The following PTPRT variants were observed in gnomAD, a reference collection of about 807,000 sequenced individuals.
PTPRT encodes protein tyrosine phosphatase receptor type T, also known as receptor-type tyrosine-protein phosphatase T.
A neutral mutation model predicts 176.8 loss-of-function variants in PTPRT; 56 were observed. That is an observed-to-expected ratio of 0.32 (90% CI 0.26 to 0.40). The LOEUF (loss-of-function observed/expected upper bound fraction) is 0.40. Among genes scored for constraint, PTPRT ranks in the 10% least tolerant of loss-of-function variants. PTPRT has a pLI of 1.00. For missense variants in PTPRT, 1,540 were observed against 1,908.2 expected (o/e 0.81, Z 3.60); for synonymous variants, 783 against 739.0 (o/e 1.06, Z -0.96).
At chr20:42,881,457 G>A (rs2079008437) in intron 2 of PTPRT, among the ~76,000 whole-genome samples, 1 of 152,194 alleles carries the variant, frequency 6.6e-6, no homozygotes, top group South Asian at 2.1e-4. Flanking sequence ...AGATGCAGTG[G>A]CTCATGCCTG....
Position 42,666,248 on chromosome 20 carries a change from G to A in PTPRT, c.1153+11618C>T, listed in dbSNP as rs534600580. On this transcript the variant is annotated intron_variant, in intron 7 of 30. Transcript: ENST00000373187. ...TAAAGTGCTACCCAGAGCCTGACAC[G>A]TGGTTGGCACTCTATATGTATGAGT... Among the ~76,000 whole-genome samples, 21 of 152,148 alleles carry A rather than the reference G, an allele frequency of 1.4e-4. No homozygotes were observed. In the South Asian group the frequency reaches 2.3e-3, roughly 17 times the overall value.
At chr20:42,333,220 A>G (rs1438030657) in intron 11 of PTPRT, among the ~76,000 whole-genome samples, 2 of 152,238 alleles carry the variant, frequency 1.3e-5, no homozygotes, top group Non-Finnish European at 1.5e-5. Flanking sequence ...TGATAATCCA[A>G]TTATCTTCTA....
At chr20:42,559,293 CG>C (rs1206541533) in intron 7 of PTPRT, among the ~76,000 whole-genome samples, 1 of 152,048 alleles carries the variant, frequency 6.6e-6, no homozygotes, top group Non-Finnish European at 1.5e-5. Context: ...TTGTCTTCAT[CG>C]TCTTTCTTTT....
chr20:42,865,748 C>T (rs185725237), intron 2 of PTPRT, among the ~76,000 whole-genome samples: 31 of 152,280 alleles, frequency 2.0e-4, no homozygotes, highest in African/African-American at 7.5e-4. Flanking sequence ...ATGCAAGCAA[C>T]AGCTCCAACA....
chr20:42,819,189 T>G (rs2077845097), intron 2 of PTPRT, among the ~76,000 whole-genome samples: 1 of 152,084 alleles, frequency 6.6e-6, no homozygotes. Flanking sequence ...CCCATCAGAC[T>G]AACAGTGGAC....
intron 9 of PTPRT, among the ~76,000 whole-genome samples, chr20:42,411,942 T>C (rs933546304): frequency 6.6e-6 from 1 of 152,166 alleles, no homozygotes; most frequent in Non-Finnish European, 1.5e-5. Context: ...GACCCATACC[T>C]TGCACTATAT....
chr20:42,233,079 A>G (rs1487770402), intron 15 of PTPRT, among the ~76,000 whole-genome samples: 1 of 151,578 alleles, frequency 6.6e-6, no homozygotes, highest in East Asian at 2.0e-4. Context: ...TCCTCTTCTG[A>G]TTCTTTAATC....
intron 24 of PTPRT, among the ~76,000 whole-genome samples, chr20:42,105,203 C>T (rs948443141): frequency 6.6e-6 from 1 of 152,174 alleles, no homozygotes; most frequent in Non-Finnish European, 1.5e-5. Context: ...TCTCAGAGTT[C>T]GCCAGCAGAA....
In PTPRT at chr20:42,639,049, GTTTC is replaced by G. The variant is rs556178639; in HGVS notation, c.1153+38813_1153+38816del. ...TAAATTTTAAAGAACCTTCCCATTT[GTTTC>G]TTTAAGTTATTAATGTCTCCAATAG... On this transcript the variant is annotated intron_variant, in intron 7 of 30. Transcript: ENST00000373187. 2.0e-3 allele frequency among the ~76,000 whole-genome samples: 302 copies of G among 152,148 alleles called. 5 individuals carry two copies. The highest frequency in any genetic ancestry group is 0.013 in the East Asian group (66 of 5,168).
chr20:43,038,617 A>C (rs1265422961), intron 1 of PTPRT, among the ~76,000 whole-genome samples: 1 of 152,202 alleles, frequency 6.6e-6, no homozygotes, highest in Non-Finnish European at 1.5e-5. Flanking sequence ...CAAAGCAATA[A>C]AAATAAAAGA....
At chr20:42,519,444 A>G (rs1207753986) in intron 7 of PTPRT, among the ~76,000 whole-genome samples, 3 of 152,192 alleles carry the variant, frequency 2.0e-5, no homozygotes, top group Non-Finnish European at 4.4e-5. Flanking sequence ...AAGCTTCTGC[A>G]TAAACACTGC....
At chr20:42,757,389 C>T (rs1212083961) in intron 5 of PTPRT, among the ~76,000 whole-genome samples, 2 of 152,182 alleles carry the variant, frequency 1.3e-5, no homozygotes, top group African/African-American at 4.8e-5. Context: ...GCTACCCCAC[C>T]CCACAGGCTC....
At chr20:42,645,788 G>T (rs894839548) in intron 7 of PTPRT, among the ~76,000 whole-genome samples, 2 of 151,898 alleles carry the variant, frequency 1.3e-5, no homozygotes, top group South Asian at 2.1e-4. Context: ...GTGTGTGTGT[G>T]TGTGTGTGTG....
chr20:42,292,996 AG>A (rs2057339851), intron 12 of PTPRT, among the ~76,000 whole-genome samples: 1 of 152,200 alleles, frequency 6.6e-6, no homozygotes, highest in Admixed American at 6.5e-5. Context: ...GTGCAGCCTC[AG>A]GTTGCAGGAT....
intron 1 of PTPRT, among the ~76,000 whole-genome samples, chr20:42,895,697 C>A (rs1465343448): frequency 6.6e-6 from 1 of 152,170 alleles, no homozygotes; most frequent in East Asian, 1.9e-4. Flanking sequence ...TTTATTAGCA[C>A]TGCATGTTGC....
chr20:42,354,201 A>C (rs1271314604), intron 9 of PTPRT, among the ~76,000 whole-genome samples: 1 of 152,196 alleles, frequency 6.6e-6, no homozygotes. Context: ...CTCCCTTGCA[A>C]TCCTACTTGC....
At chr20:42,874,840 T>G (rs2145834453) in intron 2 of PTPRT, among the ~76,000 whole-genome samples, 1 of 152,326 alleles carries the variant, frequency 6.6e-6, no homozygotes, top group South Asian at 2.1e-4. Context: ...GACATAGTGG[T>G]TTATTATCCA....
intron 1 of PTPRT, among the ~76,000 whole-genome samples, chr20:42,952,848 T>C (rs1278491608): frequency 6.6e-6 from 1 of 152,188 alleles, no homozygotes; most frequent in East Asian, 1.9e-4. Flanking sequence ...AGGCTCTCTT[T>C]TTCCCACCAT....
intron 2 of PTPRT, among the ~76,000 whole-genome samples, chr20:42,827,823 T>C (rs1180708440): frequency 6.6e-6 from 1 of 152,190 alleles, no homozygotes; most frequent in African/African-American, 2.4e-5. Context: ...AAAAAGGACA[T>C]GTTTGCTTCC....
Sources: allele counts gnomAD v4.1 joint callset (sites outside exome capture counted in the v4.1 genomes callset), GRCh38; gene constraint gnomAD v4.1.1; transcripts MANE v1.5; gene names NCBI Gene and HGNC (gene_info 2026-07-23, HGNC 2026-07-21).